The following LUC7L variants were observed in gnomAD, a reference collection of about 807,000 sequenced individuals.
LUC7L encodes the protein LUC7 like, also known as putative RNA-binding protein Luc7-like 1.
Under a neutral mutation model 51.1 loss-of-function variants are expected in LUC7L, and 29 were observed. The ratio of observed to expected loss-of-function variants is 0.57; its 90% CI spans 0.42 to 0.77. The LOEUF (loss-of-function observed/expected upper bound fraction) is 0.77. LUC7L is among the 30% of genes least tolerant of loss of function. The pLI, the probability that LUC7L is intolerant of heterozygous loss-of-function variation, is 0.00. For missense variants in LUC7L, 403 were observed against 511.9 expected (o/e 0.79, Z 2.05); for synonymous variants, 181 against 180.7 (o/e 1.00, Z -0.01).
At chr16:217,372 G>A (rs2049832862) in intron 3 of LUC7L, among the ~76,000 whole-genome samples, 1 of 151,924 alleles carries the variant, frequency 6.6e-6, no homozygotes, top group Non-Finnish European at 1.5e-5. Flanking sequence ...AACATCTCAG[G>A]TACCCCCCAA....
Position 229,346 on chromosome 16 carries a change from C to G in LUC7L, c.-7G>C. ...TCTGCGCCTGGGCGGACATGGTAGC[C>G]GGCGGAGGCGACGGGGTCGGCCGCG... On this transcript the variant is annotated 5_prime_UTR_variant, in exon 1 of 10. Coordinates refer to ENST00000293872, the MANE Select transcript of LUC7L (RefSeq NM_201412.3). 6.7e-7 allele frequency: 1 copy of G among 1,499,188 alleles called. No homozygotes were observed. The highest frequency in any genetic ancestry group is 8.9e-7 in the Non-Finnish European group (1 of 1,127,322). 92.9% of individuals were successfully genotyped at this position (1,499,188 alleles called of 1,614,324 possible).
chr16:216,258 T>A (rs770346066), intron 3 of LUC7L, among the ~76,000 whole-genome samples: 9 of 151,982 alleles, frequency 5.9e-5, no homozygotes, highest in Non-Finnish European at 8.8e-5. Flanking sequence ...CGCCTCAGCC[T>A]CCCAAAGTGC....
At chr16:220,867 G>A in intron 2 of LUC7L, 120 bp from the exon 3 acceptor site, 1 of 660,564 alleles carries the variant, frequency 1.5e-6, no homozygotes, top group Non-Finnish European at 2.7e-6. Flanking sequence ...CACTGACACT[G>A]CAATAAGAAA....
chr16:205,907 T>TA, intron 5 of LUC7L, 97 bp downstream of exon 5: 2 of 1,439,202 alleles, frequency 1.4e-6, no homozygotes, highest in Non-Finnish European at 1.9e-6. Flanking sequence ...ATAAATTTTT[T>TA]AAAAAATGGG....
chr16:229,117 G>C (rs1403463511), intron 1 of LUC7L, 162 bp downstream of exon 1: 1 of 1,410,536 alleles, frequency 7.1e-7, no homozygotes, highest in African/African-American at 1.5e-5. Context: ...AGACGCACCG[G>C]CTTAGACAAA....
chr16:228,514 A>G (rs2050182882), intron 1 of LUC7L: 1 of 1,222,102 alleles, frequency 8.2e-7, no homozygotes, highest in Non-Finnish European at 1.1e-6. Context: ...GCACTTATTC[A>G]CCTATGAAAT....
intron 6 of LUC7L, among the ~76,000 whole-genome samples, chr16:194,233 T>G (rs1596598564): frequency 6.6e-6 from 1 of 152,258 alleles, no homozygotes; most frequent in East Asian, 1.9e-4. Flanking sequence ...GCCTCCTGAG[T>G]AGCTGGGACT....
chr16:207,060 G>C (rs1181775210), intron 4 of LUC7L, among the ~76,000 whole-genome samples: 1 of 151,710 alleles, frequency 6.6e-6, no homozygotes. Flanking sequence ...TTAGCTGGGC[G>C]TGGTGGTGGG....
At chr16:190,421 C>T (rs980443254) in intron 8 of LUC7L, 120 bp downstream of exon 8, 3 of 1,091,278 alleles carry the variant, frequency 2.7e-6, no homozygotes, top group Admixed American at 1.8e-5. Flanking sequence ...TTGCCCTGTG[C>T]CCTTCACAAG....
intron 5 of LUC7L, among the ~76,000 whole-genome samples, chr16:204,137 A>C (rs1418545307): frequency 6.6e-6 from 1 of 152,148 alleles, no homozygotes; most frequent in Non-Finnish European, 1.5e-5. Context: ...GAGAAAAATT[A>C]CAAGACTCAT....
intron 3 of LUC7L, among the ~76,000 whole-genome samples, chr16:212,798 G>A (rs78324119): frequency 3.4e-5 from 5 of 146,396 alleles, no homozygotes; most frequent in South Asian, 2.1e-4. Context: ...TTTTTTTCCC[G>A]AGAGGATCTT....
In LUC7L at chr16:227,400, G is replaced by A. The variant is rs188132769; in HGVS notation, c.62-64C>T. The A allele has an allele frequency of 5.5e-3, 8,495 of 1,542,618 alleles. 26 individuals carry two copies. Among genetic ancestry groups the A allele is most frequent in the Non-Finnish European group, 6.6e-3 (7,473 of 1,138,582 alleles). On this transcript the variant is annotated intron_variant, in intron 1 of 9. Coordinates refer to ENST00000293872, the MANE Select transcript of LUC7L (RefSeq NM_201412.3). ...CACATTAACCACCAAAAAATAACTA[G>A]TATAACAATTCACCTGGATGATTTG... is the stretch of plus-strand genomic sequence containing the variant.
intron 3 of LUC7L, among the ~76,000 whole-genome samples, chr16:216,116 C>T (rs1341670391): frequency 6.6e-6 from 1 of 152,126 alleles, no homozygotes; most frequent in East Asian, 1.9e-4. Flanking sequence ...ATTCTCCTGC[C>T]TCAGCCTCCC....
intron 3 of LUC7L, among the ~76,000 whole-genome samples, chr16:219,465 T>C (rs1020348225): frequency 6.6e-6 from 1 of 152,156 alleles, no homozygotes; most frequent in Non-Finnish European, 1.5e-5. Context: ...TCTGTAGTAC[T>C]AGCTATTTAG....
intron 5 of LUC7L, among the ~76,000 whole-genome samples, chr16:202,498 A>G (rs1369416429): frequency 6.6e-6 from 1 of 152,138 alleles, no homozygotes; most frequent in African/African-American, 2.4e-5. Flanking sequence ...TTCTATGTTT[A>G]CGTACACAAA....
At chr16:218,448 A>G (rs372117252) in intron 3 of LUC7L, among the ~76,000 whole-genome samples, 19 of 152,280 alleles carry the variant, frequency 1.2e-4, no homozygotes, top group African/African-American at 4.6e-4. Flanking sequence ...TACCAGGCAC[A>G]GTGTAATCAC....
chr16:227,408 A>G (rs2050158985), intron 1 of LUC7L, 72 bp from the exon 2 acceptor site: 3 of 1,533,402 alleles, frequency 2.0e-6, no homozygotes, highest in Middle Eastern at 2.0e-4. Context: ...TAGTATAACA[A>G]TTCACCTGGA....
intron 6 of LUC7L, among the ~76,000 whole-genome samples, chr16:197,096 CG>C (rs2049171368): frequency 6.7e-6 from 1 of 150,172 alleles, no homozygotes; most frequent in East Asian, 2.0e-4. Context: ...TTAGTAGAGA[CG>C]GGGTTTCACC....
chr16:228,320 G>C (rs1472162913), intron 1 of LUC7L: 2 of 1,304,110 alleles, frequency 1.5e-6, no homozygotes, highest in Admixed American at 2.3e-5. Context: ...CTTAGAAATT[G>C]GTTGTGACTC....
Sources: allele counts gnomAD v4.1 joint callset (sites outside exome capture counted in the v4.1 genomes callset), GRCh38; gene constraint gnomAD v4.1.1; transcripts MANE v1.5; gene names NCBI Gene and HGNC (gene_info 2026-07-23, HGNC 2026-07-21).